The following PABPC4L variants were observed in gnomAD, a reference collection of about 807,000 sequenced individuals.
The protein encoded by PABPC4L is poly(A) binding protein cytoplasmic 4 like, also known as polyadenylate-binding protein 4-like.
For synonymous variants in PABPC4L, 169 were observed against 164.1 expected, an observed-to-expected ratio of 1.03 and a Z score of -0.23; for missense variants, 452 against 451.4, an observed-to-expected ratio of 1.00 and a Z score of -0.01.
chr4:134,016,608 A>G, the PABPC4L span, among the ~76,000 whole-genome samples: 1 of 152,104 alleles, frequency 6.6e-6, no homozygotes, highest in Non-Finnish European at 1.5e-5. Context: ...ACTTCCACCT[A>G]TCAATCTTGT....
Position 134,199,300 on chromosome 4 carries a change from C to T in PABPC4L, c.*607G>A, listed in dbSNP as rs1285293709. The stretch of plus-strand genomic sequence containing the variant: ...AGTTTTTAGGCAACATTAAAAACTT[C>T]CATCATCTTAATTTAAACCATCCGA... On this transcript the variant is annotated 3_prime_UTR_variant, in exon 2 of 2. Coordinates refer to ENST00000421491, the MANE Select transcript of PABPC4L (RefSeq NM_001114734.2). The T allele has an allele frequency of 1.3e-5, 2 of 152,048 alleles. No homozygotes were observed. Among genetic ancestry groups the T allele is most frequent in the Non-Finnish European group, 2.9e-5 (2 of 67,950 alleles). The allele number at this position is 152,048 out of a possible 1,614,324, so 9.4% of individuals were successfully genotyped here.
the PABPC4L span, among the ~76,000 whole-genome samples, chr4:134,021,834 C>T: frequency 2.6e-5 from 4 of 152,082 alleles, no homozygotes; most frequent in African/African-American, 9.6e-5. Flanking sequence ...CTGCCTTTGG[C>T]TTCATTAATG....
At chr4:134,134,567 CAG>C in the PABPC4L span, among the ~76,000 whole-genome samples, 1 of 151,386 alleles carries the variant, frequency 6.6e-6, no homozygotes, top group African/African-American at 2.4e-5. Flanking sequence ...ATAACTAAAA[CAG>C]AGAATGTTAG....
the PABPC4L span, among the ~76,000 whole-genome samples, chr4:134,024,799 A>G: frequency 1.3e-5 from 2 of 150,020 alleles, no homozygotes; most frequent in South Asian, 4.2e-4. Flanking sequence ...TACTGTCTTT[A>G]TAATAAACTA....
the PABPC4L span, among the ~76,000 whole-genome samples, chr4:133,968,690 TAAGAAAAA>T: frequency 6.6e-6 from 1 of 151,828 alleles, no homozygotes; most frequent in Non-Finnish European, 1.5e-5. Context: ...CCCTCTTACA[TAAGAAAAA>T]AAGAAAAAAA....
chr4:134,177,899 A>G, the PABPC4L span, among the ~76,000 whole-genome samples: 3 of 152,038 alleles, frequency 2.0e-5, no homozygotes, highest in African/African-American at 7.2e-5. Context: ...ATTAATAGCC[A>G]AGCAGGCAAC....
At chr4:134,087,799 T>C in the PABPC4L span, among the ~76,000 whole-genome samples, 1 of 152,262 alleles carries the variant, frequency 6.6e-6, no homozygotes, top group African/African-American at 2.4e-5. Context: ...CCCTTCTTCC[T>C]TCCTCCTGGC....
the PABPC4L span, among the ~76,000 whole-genome samples, chr4:134,034,020 G>A: frequency 6.6e-6 from 1 of 151,904 alleles, no homozygotes; most frequent in Non-Finnish European, 1.5e-5. Flanking sequence ...GAGAGGAGAA[G>A]TCAATTACTT....
At chr4:134,095,929 T>C in the PABPC4L span, among the ~76,000 whole-genome samples, 7 of 152,102 alleles carry the variant, frequency 4.6e-5, no homozygotes, top group South Asian at 1.4e-3. Flanking sequence ...GCACTCCTAG[T>C]CACTCCCTAC....
chr4:134,055,406 C>T, the PABPC4L span, among the ~76,000 whole-genome samples: 1 of 151,628 alleles, frequency 6.6e-6, no homozygotes, highest in Non-Finnish European at 1.5e-5. Context: ...GAGAAAAGGT[C>T]GTGTAGGGAC....
At chr4:134,021,613 C>T in the PABPC4L span, among the ~76,000 whole-genome samples, 7 of 152,154 alleles carry the variant, frequency 4.6e-5, no homozygotes, top group Non-Finnish European at 1.0e-4. Flanking sequence ...AGGTAGGACA[C>T]AGAGGTGTCT....
the PABPC4L span, among the ~76,000 whole-genome samples, chr4:134,169,931 A>T: frequency 2.6e-5 from 4 of 152,102 alleles, no homozygotes; most frequent in Admixed American, 2.0e-4. Context: ...ACATAAGGAA[A>T]TTGCATGTCA....
chr4:133,970,294 T>A, the PABPC4L span, among the ~76,000 whole-genome samples: 2 of 151,962 alleles, frequency 1.3e-5, no homozygotes, highest in African/African-American at 4.8e-5. Context: ...ATCTGTTTTA[T>A]TCCAACTATT....
At chr4:133,981,033 C>T in the PABPC4L span, among the ~76,000 whole-genome samples, 8 of 152,072 alleles carry the variant, frequency 5.3e-5, no homozygotes, top group Non-Finnish European at 1.2e-4. Flanking sequence ...TAGTGGCACA[C>T]GCCTGTAATT....
chr4:134,072,269 A>G, the PABPC4L span, among the ~76,000 whole-genome samples: 3 of 152,132 alleles, frequency 2.0e-5, no homozygotes, highest in African/African-American at 7.2e-5. Flanking sequence ...CTCTCAATTT[A>G]TGAATGAATG....
the PABPC4L span, among the ~76,000 whole-genome samples, chr4:134,011,866 A>G: frequency 5.2e-4 from 79 of 152,268 alleles, no homozygotes; most frequent in African/African-American, 1.9e-3. Context: ...AAAGCTATTT[A>G]CACTTAGATG....
At chr4:134,022,254 T>C in the PABPC4L span, among the ~76,000 whole-genome samples, 3 of 152,156 alleles carry the variant, frequency 2.0e-5, no homozygotes, top group Non-Finnish European at 4.4e-5. Flanking sequence ...AAGTTCTTAA[T>C]AAATAAAATC....
At chr4:134,049,929 C>T in the PABPC4L span, among the ~76,000 whole-genome samples, 1 of 151,972 alleles carries the variant, frequency 6.6e-6, no homozygotes, top group Non-Finnish European at 1.5e-5. Context: ...GAGAAGTCAC[C>T]CTAGTATTCT....
the PABPC4L span, among the ~76,000 whole-genome samples, chr4:134,143,053 A>G: frequency 6.6e-6 from 1 of 151,486 alleles, no homozygotes; most frequent in Admixed American, 6.6e-5. Context: ...GGAATCTTTC[A>G]CCATAAAATA....
Sources: gnomAD v4.1 joint callset for allele counts (sites outside exome capture counted in the v4.1 genomes callset) on GRCh38, gnomAD v4.1.1 for gene constraint, MANE v1.5 for transcripts, NCBI Gene and HGNC (gene_info 2026-07-23, HGNC 2026-07-21) for gene names.